The following MINK1 variants were observed in gnomAD, a reference collection of about 807,000 sequenced individuals.
MINK1 encodes misshapen-like kinase 1.
A neutral mutation model predicts 178.4 loss-of-function variants in MINK1; 46 were observed. The observed-to-expected ratio is 0.26, with a 90% CI of 0.20 to 0.33. The LOEUF (loss-of-function observed/expected upper bound fraction) is 0.33, where lower values mean the gene tolerates loss of function less well. MINK1 is among the 10% of genes least tolerant of loss of function. MINK1 has a pLI of 1.00. For synonymous variants in MINK1, 797 were observed against 709.7 expected (o/e 1.12, Z -1.96); for missense variants, 1,366 against 1,814.9 (o/e 0.75, Z 4.49).
At chr17:4,878,993 G>A (rs1967448723) in intron 2 of MINK1, among the ~76,000 whole-genome samples, 1 of 152,158 alleles carries the variant, frequency 6.6e-6, no homozygotes, top group Admixed American at 6.5e-5. Context: ...ACTCCAGCGG[G>A]GAGTAAGGTG....
chr17:4,887,056 C>G lies in MINK1; in HGVS notation c.950-54C>G. Reference sequence around the variant, plus strand: ...TATCCCCACCCAAGGTTTCCCTAGCCCACGGCGGGTCTGGGGCGCTGGGTG... The same window carrying G: ...TATCCCCACCCAAGGTTTCCCTAGCGCACGGCGGGTCTGGGGCGCTGGGTG... On this transcript the variant is annotated intron_variant, in intron 10 of 31. Coordinates refer to ENST00000355280, the MANE Select transcript of MINK1 (RefSeq NM_153827.5). This position sits in a 1 kb window ranked among gnomAD's most constrained non-coding sequence, Gnocchi z 7.6. 6.5e-7 allele frequency: 1 copy of G among 1,538,974 alleles called. No individual in the cohort carries two copies. Among genetic ancestry groups the G allele is most frequent in the Non-Finnish European group, 8.8e-7 (1 of 1,135,222 alleles).
chr17:4,869,882 G>T (rs1915639850), intron 1 of MINK1, among the ~76,000 whole-genome samples: 1 of 147,802 alleles, frequency 6.8e-6, no homozygotes, highest in Admixed American at 6.8e-5. Flanking sequence ...TGTTGCCCAG[G>T]CTGGGGTGCA....
intron 1 of MINK1, among the ~76,000 whole-genome samples, chr17:4,843,428 A>G (rs186831203): frequency 1.3e-5 from 2 of 152,072 alleles, no homozygotes; most frequent in African/African-American, 4.8e-5. Context: ...CAGTGAGCCT[A>G]GATTGCGTCA....
rs573829979 is a variant in MINK1, at chr17:4,874,314, A to G, written c.58-4003A>G. On this transcript the variant is annotated intron_variant, in intron 1 of 31. Transcript: ENST00000355280. ...GTTTTCCCTGCTTAGGGCTTAGCCCAGTGCAAGGCAAATGGAGGCACTCAT... is the reference window on the plus strand; with the variant it reads ...GTTTTCCCTGCTTAGGGCTTAGCCCGGTGCAAGGCAAATGGAGGCACTCAT... 3.9e-5 allele frequency among the ~76,000 whole-genome samples: 6 copies of G among 152,364 alleles called. No homozygotes were observed. In the East Asian group the frequency reaches 1.2e-3, roughly 29 times the overall value.
chr17:4,881,067 G>C lies in MINK1; in HGVS notation c.180+27G>C, dbSNP rs368951295. 3.3e-4 allele frequency: 508 copies of C among 1,534,420 alleles called. 3 individuals carry two copies. Among genetic ancestry groups the C allele is most frequent in the Middle Eastern group, 1.7e-4 (1 of 5,992 alleles). On this transcript the variant is annotated intron_variant, in intron 3 of 31. Coordinates refer to ENST00000355280, the MANE Select transcript of MINK1 (RefSeq NM_153827.5). ...TAGGGAGTGGAGCTGGGCAGTGGGA[G>C]GGTCGGACCAGCGAGAAGGGAGTGT...
chr17:4,867,074 A>AAATAATAATAAAATAATAATAAT (rs1915101471), intron 1 of MINK1, among the ~76,000 whole-genome samples: 1 of 119,966 alleles, frequency 8.3e-6, no homozygotes, highest in Non-Finnish European at 1.6e-5. Context: ...ACTCGTCTCA[A>AAATAATAATAAAATAATAATAAT]AATAATAATA....
intron 1 of MINK1, among the ~76,000 whole-genome samples, chr17:4,838,359 A>G (rs35841479): frequency 0.97 from 146,928 of 152,176 alleles, 71,125 homozygotes; most frequent in East Asian, 1. Flanking sequence ...TATACACAGC[A>G]GGGAGGTTTT....
chr17:4,841,439 AGACT>A, intron 1 of MINK1, among the ~76,000 whole-genome samples: 1 of 152,254 alleles, frequency 6.6e-6, no homozygotes, highest in East Asian at 1.9e-4. Flanking sequence ...TGGCAGGGAC[AGACT>A]GAGGATCGGT....
In MINK1 at chr17:4,885,358, TG is replaced by T; in HGVS notation, c.509-121del. The T allele has an allele frequency of 1.6e-6, 2 of 1,279,720 alleles. No homozygotes were observed. The highest frequency in any genetic ancestry group is 2.2e-6 in the Non-Finnish European group (2 of 911,312). The allele number at this position is 1,279,720 out of a possible 1,614,324, so 79.3% of individuals were successfully genotyped here. ...ATGGTGGTGGGGTAAAGGAGGGTGC[TG>T]GGGTGTCTGGGTCGGGCCAGGACCA... On this transcript the variant is annotated intron_variant, in intron 6 of 31. Transcript: ENST00000355280. This position sits in a 1 kb window ranked among gnomAD's most constrained non-coding sequence, Gnocchi z 5.0.
chr17:4,851,652 A>G (rs927857953), intron 1 of MINK1, among the ~76,000 whole-genome samples: 7 of 151,754 alleles, frequency 4.6e-5, no homozygotes, highest in African/African-American at 1.7e-4. Flanking sequence ...TTGGGCCATT[A>G]TTAGTGTTCC....
intron 20 of MINK1, 105 bp from the exon 21 acceptor site, chr17:4,893,329 T>C (rs1444628983): frequency 6.2e-7 from 1 of 1,613,668 alleles, no homozygotes; most frequent in African/African-American, 1.3e-5. Flanking sequence ...ATGGGCCTGC[T>C]TGTGGGAGCC....
rs1014404122 is a variant in MINK1 at position 4,895,319 on chromosome 17, C to A, written c.3086-31C>A. The A allele has an allele frequency of 1.2e-6, 2 of 1,603,732 alleles. No individual in the cohort carries two copies. Among genetic ancestry groups the A allele is most frequent in the Non-Finnish European group, 1.7e-6 (2 of 1,173,372 alleles). On this transcript the variant is annotated intron_variant, in intron 25 of 31. Coordinates refer to ENST00000355280, the MANE Select transcript of MINK1 (RefSeq NM_153827.5). This position sits in a 1 kb window ranked among gnomAD's most constrained non-coding sequence, Gnocchi z 4.3. ...CTGGTTAGGTGAGGGCCTGGCTGAG[C>A]CTCTGACCTGCCCAAGGGCTCCTGT...
At chr17:4,864,397 C>G (rs1914624499) in intron 1 of MINK1, among the ~76,000 whole-genome samples, 1 of 149,434 alleles carries the variant, frequency 6.7e-6, no homozygotes, top group Non-Finnish European at 1.5e-5. Context: ...AAAACTCTGT[C>G]TCAAAAAGAA....
At chr17:4,869,085 G>A (rs573951673) in intron 1 of MINK1, among the ~76,000 whole-genome samples, 13 of 151,654 alleles carry the variant, frequency 8.6e-5, no homozygotes, top group Admixed American at 5.3e-4. Flanking sequence ...CACCACGCCC[G>A]GCTAATTTTT....
intron 1 of MINK1, among the ~76,000 whole-genome samples, chr17:4,850,509 C>T (rs1475537073): frequency 2.4e-5 from 3 of 126,588 alleles, no homozygotes; most frequent in East Asian, 2.0e-4. Context: ...CCTTCCTCCC[C>T]TTCCTGCTGG....
intron 1 of MINK1, among the ~76,000 whole-genome samples, chr17:4,846,949 A>G (rs1911130758): frequency 6.6e-6 from 1 of 152,162 alleles, no homozygotes; most frequent in African/African-American, 2.4e-5. Flanking sequence ...CCCACCAGAA[A>G]CAGAGATCTC....
At position 4,894,428 on chromosome 17, in the gene MINK1, G is replaced by T; in HGVS notation, c.2809-97G>T. 6.6e-7 allele frequency: 1 copy of T among 1,521,776 alleles called. No individual in the cohort carries two copies. The highest frequency in any genetic ancestry group is 8.9e-7 in the Non-Finnish European group (1 of 1,121,638). The allele number at this position is 1,521,776 out of a possible 1,614,324, so 94.3% of individuals were successfully genotyped here. A position where few individuals can be genotyped will look rare whatever the true frequency, so the allele number is the denominator to read the frequency against. Reference sequence around the variant, plus strand: ...GAGCGCTGGGAGCTGGACAGCGGGGGTGCCAGTTGGGGAGCTGGAGCCTGG... The same window carrying T: ...GAGCGCTGGGAGCTGGACAGCGGGGTTGCCAGTTGGGGAGCTGGAGCCTGG... On this transcript the variant is annotated intron_variant, in intron 23 of 31. Coordinates refer to ENST00000355280, the MANE Select transcript of MINK1 (RefSeq NM_153827.5). The surrounding 1 kb of genome is among the most constrained non-coding windows in gnomAD (Gnocchi z 4.1).
chr17:4,887,432 G>C lies in MINK1; in HGVS notation c.1020-148G>C. The C allele has an allele frequency of 2.6e-6, 2 of 776,898 alleles. No homozygotes were observed. The allele number at this position is 776,898 out of a possible 1,614,324, so 48.1% of individuals were successfully genotyped here. On this transcript the variant is annotated intron_variant, in intron 11 of 31. Transcript: ENST00000355280. This position sits in a 1 kb window ranked among gnomAD's most constrained non-coding sequence, Gnocchi z 7.6. Reference sequence around the variant, plus strand: ...GACAGGACTGAAGACTGGGCAGAAGGGGACGGTAAGTCTCCTGGCCACCTG... The same window carrying C: ...GACAGGACTGAAGACTGGGCAGAAGCGGACGGTAAGTCTCCTGGCCACCTG...
intron 1 of MINK1, among the ~76,000 whole-genome samples, chr17:4,849,507 C>A (rs1462376686): frequency 1.3e-5 from 2 of 152,204 alleles, no homozygotes; most frequent in African/African-American, 4.8e-5. Flanking sequence ...TGCCTTGAGC[C>A]TTTGTGTGCT....
Sources: allele counts gnomAD v4.1 joint callset (sites outside exome capture counted in the v4.1 genomes callset), GRCh38; gene constraint gnomAD v4.1.1; non-coding constraint Gnocchi (gnomAD v3.1); transcripts MANE v1.5; gene names NCBI Gene and HGNC (gene_info 2026-07-23, HGNC 2026-07-21).